Variants in PI4KA observed in about 807,000 individuals in gnomAD.
PI4KA encodes phosphatidylinositol 4-kinase alpha.
A neutral mutation model predicts 271.4 loss-of-function variants in PI4KA; 122 were observed. That is an observed-to-expected ratio of 0.45 (90% CI 0.39 to 0.52). The LOEUF (loss-of-function observed/expected upper bound fraction) is 0.52, where lower values mean the gene tolerates loss of function less well. Ranked by LOEUF, PI4KA falls within the 20% of genes least tolerant of loss-of-function variation. PI4KA has a pLI of 0.00. For synonymous variants in PI4KA, 1,041 were observed against 1,078.8 expected, an observed-to-expected ratio of 0.96 and a Z score of 0.69; for missense variants, 1,969 against 2,769.1, an observed-to-expected ratio of 0.71 and a Z score of 6.48.
chr22:20,758,463 T>C (rs910329036), intron 23 of PI4KA, among the ~76,000 whole-genome samples: 24 of 146,750 alleles, frequency 1.6e-4, no homozygotes, highest in African/African-American at 4.7e-4. Flanking sequence ...TCTTTTCTTT[T>C]TTTTTTTTTT....
chr22:20,818,521 G>A lies in PI4KA; in HGVS notation c.818C>T (p.Pro273Leu), dbSNP rs1013688867. The A allele has an allele frequency of 1.3e-6, 2 of 1,565,148 alleles. No individual in the cohort carries two copies. The highest frequency in any genetic ancestry group is 2.0e-5 in the Admixed American group (1 of 49,666). ...AAAGGCAGATCCTCCAGGGGAACTGGGAGGGGGCATGCCGCGTTCAGGGCT... is the reference window on the plus strand; with the variant it reads ...AAAGGCAGATCCTCCAGGGGAACTGAGAGGGGGCATGCCGCGTTCAGGGCT... Reference protein sequence around the residue: ...QVSPERGMPPPSSPGGSAFHY... With the variant: ...QVSPERGMPPLSSPGGSAFHY... Residue 273 changes from proline to leucine, a missense_variant, in exon 7 of 55, where the codon CCC becomes CTC. Pro to Leu is a moderately conservative substitution (Grantham distance 98). This residue lies in a region of PI4KA where 540 missense variants were observed against 555.5 expected (regional missense o/e 0.97). Coordinates refer to ENST00000255882, the MANE Select transcript of PI4KA (RefSeq NM_058004.4).
intron 45 of PI4KA, among the ~76,000 whole-genome samples, chr22:20,716,501 G>A (rs1926020660): frequency 6.6e-6 from 1 of 152,148 alleles, no homozygotes; most frequent in Non-Finnish European, 1.5e-5. Flanking sequence ...GCCAAGCTTG[G>A]CCTTGCTGTG....
At chr22:20,813,970 C>T (rs112154561) in intron 7 of PI4KA, among the ~76,000 whole-genome samples, 516 of 152,142 alleles carry the variant, frequency 3.4e-3, no homozygotes, top group Middle Eastern at 0.017. Context: ...AGGTAATTTT[C>T]GTATTTTTAG....
Position 20,711,608 on chromosome 22 carries a change from T to C in PI4KA, c.5803-147A>G, listed in dbSNP as rs1197342044. 25 of 840,768 alleles carry C rather than the reference T, an allele frequency of 3.0e-5. No homozygotes were observed. In the East Asian group the frequency reaches 6.4e-4, roughly 22 times the overall value. 52.1% of individuals were successfully genotyped at this position (840,768 alleles called of 1,614,324 possible). On this transcript the variant is annotated intron_variant, in intron 50 of 54. Transcript: ENST00000255882. Reference sequence around the variant, plus strand: ...AGCAGAGCCCGAATCAGCAAGCCAGTCTTCGGTAGCAGGAGTGACAGGGGC... The same window carrying C: ...AGCAGAGCCCGAATCAGCAAGCCAGCCTTCGGTAGCAGGAGTGACAGGGGC...
chr22:20,833,561 C>T (rs190755806), intron 3 of PI4KA, among the ~76,000 whole-genome samples: 644 of 151,372 alleles, frequency 4.3e-3, no homozygotes, highest in Non-Finnish European at 7.4e-3. Context: ...ATGCCTGTGG[C>T]GGTGGTGTTG....
intron 4 of PI4KA, among the ~76,000 whole-genome samples, chr22:20,823,664 C>G (rs979407835): frequency 1.3e-5 from 2 of 152,270 alleles, no homozygotes; most frequent in Non-Finnish European, 2.9e-5. Flanking sequence ...TCTAGCTGGG[C>G]ACAGTGGCTC....
Position 20,726,600 on chromosome 22 carries a change from G to C in PI4KA, c.4942-59C>G, listed in dbSNP as rs377300401. On this transcript the variant is annotated intron_variant, in intron 41 of 54. Coordinates refer to ENST00000255882, the MANE Select transcript of PI4KA (RefSeq NM_058004.4). Reference sequence around the variant, plus strand: ...TGAGAGCAGAGCCACCCAACCCTACGGCCCAGGCCCTGCCTCTGCTTCTGC... The same window carrying C: ...TGAGAGCAGAGCCACCCAACCCTACCGCCCAGGCCCTGCCTCTGCTTCTGC... The C allele has an allele frequency of 2.8e-6, 4 of 1,451,374 alleles. No individual in the cohort carries two copies. In the African/African-American group the frequency reaches 5.8e-5, roughly 21 times the overall value. 89.9% of individuals were successfully genotyped at this position (1,451,374 alleles called of 1,614,324 possible). A position where few individuals can be genotyped will look rare whatever the true frequency, so the allele number is the denominator to read the frequency against.
At chr22:20,770,099 G>C (rs1029994174) in intron 19 of PI4KA, among the ~76,000 whole-genome samples, 1 of 152,084 alleles carries the variant, frequency 6.6e-6, no homozygotes, top group African/African-American at 2.4e-5. Context: ...CCACACTGGA[G>C]TAGGGGGTAC....
chr22:20,727,094 T>A, intron 41 of PI4KA, 136 bp downstream of exon 41: 1 of 683,774 alleles, frequency 1.5e-6, no homozygotes, highest in Non-Finnish European at 2.4e-6. Flanking sequence ...CTACAACTAC[T>A]TGAGCAAAAA....
intron 32 of PI4KA, among the ~76,000 whole-genome samples, chr22:20,739,779 A>G (rs1929192604): frequency 6.6e-6 from 1 of 151,976 alleles, no homozygotes; most frequent in Admixed American, 6.6e-5. Flanking sequence ...AAAGAATTAA[A>G]TGGCTGGGCG....
At chr22:20,808,248 C>T (rs1935779259) in intron 9 of PI4KA, among the ~76,000 whole-genome samples, 1 of 150,666 alleles carries the variant, frequency 6.6e-6, no homozygotes, top group South Asian at 2.1e-4. Flanking sequence ...AGAGATCGCG[C>T]CATTGCACTC....
At chr22:20,794,516 G>A (rs1172967771) in intron 18 of PI4KA, among the ~76,000 whole-genome samples, 3 of 152,280 alleles carry the variant, frequency 2.0e-5, no homozygotes, top group South Asian at 2.1e-4. Context: ...CATGACTGTC[G>A]GAGGGCCCGG....
In PI4KA at chr22:20,718,835, C is replaced by G; in HGVS notation, c.5117-13G>C. Reference sequence around the variant, plus strand: ...TCGCCGATGTCAGCTGCCAAGGAAGCAAAGAGGCTTAAGTCTCTGTGGCTG... The same window carrying G: ...TCGCCGATGTCAGCTGCCAAGGAAGGAAAGAGGCTTAAGTCTCTGTGGCTG... On this transcript the variant is annotated splice_polypyrimidine_tract_variant and intron_variant, in intron 43 of 54. Transcript: ENST00000255882. The G allele has an allele frequency of 5.0e-6, 8 of 1,613,230 alleles. No homozygotes were observed. The highest frequency in any genetic ancestry group is 6.8e-6 in the Non-Finnish European group (8 of 1,179,864).
chr22:20,755,199 C>T lies in PI4KA; in HGVS notation c.2792-2019G>A, dbSNP rs559353279. ...CATTACAGAACCGTGGATGTTTATTCGTTGGGTTATAATCCAATACCATTT... is the reference window on the plus strand; with the variant it reads ...CATTACAGAACCGTGGATGTTTATTTGTTGGGTTATAATCCAATACCATTT... On this transcript the variant is annotated intron_variant, in intron 23 of 54. Transcript: ENST00000255882. Among the ~76,000 whole-genome samples the T allele has an allele frequency of 2.0e-5, 3 of 152,272 alleles. No homozygotes were observed. In the East Asian group the frequency reaches 5.8e-4, roughly 29 times the overall value.
At chr22:20,776,062 C>G (rs955069323) in intron 19 of PI4KA, among the ~76,000 whole-genome samples, 2 of 152,164 alleles carry the variant, frequency 1.3e-5, no homozygotes, top group Non-Finnish European at 2.9e-5. Context: ...TAACTCATAC[C>G]TGTAATTCCA....
intron 39 of PI4KA, 125 bp downstream of exon 39, chr22:20,729,188 C>T: frequency 3.9e-6 from 3 of 778,418 alleles, no homozygotes; most frequent in South Asian, 1.8e-5. Flanking sequence ...GAGGACTAGA[C>T]TACTTCCTGA....
Position 20,758,361 on chromosome 22 carries a change from T to C in PI4KA, c.2791+2943A>G, listed in dbSNP as rs535310533. ...GCTTGGGCAACAGAGCAAGACTCTG[T>C]CTCAAAAAAAAAAAAAAAAAAAAAA... On this transcript the variant is annotated intron_variant, in intron 23 of 54. Transcript: ENST00000255882. 1.8e-4 allele frequency among the ~76,000 whole-genome samples: 10 copies of C among 55,052 alleles called. No individual in the cohort carries two copies. The South Asian group carries it at 8.3e-3, about 46-fold the overall frequency. The allele number at this position is 55,052 out of a possible 152,430, so 36.1% of individuals were successfully genotyped here.
intron 7 of PI4KA, among the ~76,000 whole-genome samples, 165 bp downstream of exon 7, chr22:20,818,318 G>A (rs531336142): frequency 1.3e-5 from 2 of 152,176 alleles, no homozygotes; most frequent in South Asian, 4.2e-4. Flanking sequence ...TAAATTTTAA[G>A]AAACTTAAAT....
rs2088610589 is a variant in PI4KA, at chr22:20,751,618, C to T, written c.3069+56G>A. The T allele has an allele frequency of 6.8e-5, 95 of 1,406,018 alleles. 2 individuals are homozygous for T. In the South Asian group the frequency reaches 9.3e-4, roughly 14 times the overall value. 87.1% of individuals were successfully genotyped at this position (1,406,018 alleles called of 1,614,324 possible). A position where few individuals can be genotyped will look rare whatever the true frequency, so the allele number is the denominator to read the frequency against. On this transcript the variant is annotated intron_variant, in intron 26 of 54. Coordinates refer to ENST00000255882, the MANE Select transcript of PI4KA (RefSeq NM_058004.4). ...CACAACACAGGGCGGACAGGGCCGG[C>T]GGGGTGGTGGTAGAGCGGGTGGTGT...
Sources: gnomAD v4.1 joint callset for allele counts (sites outside exome capture counted in the v4.1 genomes callset) on GRCh38, gnomAD v4.1.1 for gene constraint, gnomAD v4.1.1 regional missense constraint, MANE v1.5 for transcripts, NCBI Gene and HGNC (gene_info 2026-07-23, HGNC 2026-07-21) for gene names.